The following IQANK1 variants were observed in gnomAD, a reference collection of about 807,000 sequenced individuals.
IQANK1 encodes the protein IQ motif and ankyrin repeat domain-containing protein 1.
IQANK1 carries 30 observed loss-of-function variants against 22.6 expected under a neutral mutation model. That is an observed-to-expected ratio of 1.33 (90% CI 0.99 to 1.80). The LOEUF is 1.80. Ranked by LOEUF, IQANK1 falls within the 40% of genes most tolerant of loss-of-function variation. The pLI is 0.00. For synonymous variants in IQANK1, 122 were observed against 99.6 expected (o/e 1.23, Z -1.34); for missense variants, 275 against 235.2 (o/e 1.17, Z -1.11).
intron 3 of IQANK1, among the ~76,000 whole-genome samples, chr8:143,769,994 T>TC (rs1554629577): frequency 6.6e-6 from 1 of 152,178 alleles, no homozygotes; most frequent in Non-Finnish European, 1.5e-5. Flanking sequence ...TCCCAGCTAC[T>TC]CGGAGGCTGA....
At chr8:143,765,298 A>G (rs1172876202) in intron 3 of IQANK1, among the ~76,000 whole-genome samples, 1 of 152,162 alleles carries the variant, frequency 6.6e-6, no homozygotes, top group East Asian at 1.9e-4. Context: ...CCGAGGTTGC[A>G]GTGAGCCAGG....
chr8:143,761,118 G>A (rs909067319), intron 3 of IQANK1, among the ~76,000 whole-genome samples: 1 of 152,212 alleles, frequency 6.6e-6, no homozygotes, highest in African/African-American at 2.4e-5. Flanking sequence ...AGACTCCTGG[G>A]GCGCAGATCG....
chr8:143,736,682 G>C (rs903007282), intron 2 of IQANK1, among the ~76,000 whole-genome samples: 4 of 152,228 alleles, frequency 2.6e-5, no homozygotes, highest in African/African-American at 9.6e-5. Context: ...CTCTGCCTGC[G>C]GCTTTGCTCC....
At chr8:143,754,179 A>G (rs1231420860) in intron 3 of IQANK1, among the ~76,000 whole-genome samples, 6 of 152,200 alleles carry the variant, frequency 3.9e-5, no homozygotes, top group Non-Finnish European at 8.8e-5. Flanking sequence ...CACTTCAGCC[A>G]GAGGGGGAGG....
intron 3 of IQANK1, among the ~76,000 whole-genome samples, chr8:143,756,899 G>A (rs1554628530): frequency 6.6e-6 from 1 of 151,806 alleles, no homozygotes; most frequent in Non-Finnish European, 1.5e-5. Context: ...GACTGCTTGA[G>A]TCTTGGGAGG....
chr8:143,751,626 G>GTGTGTGTA (rs1491334935), intron 3 of IQANK1, among the ~76,000 whole-genome samples: 5 of 63,122 alleles, frequency 7.9e-5, no homozygotes, highest in African/African-American at 3.9e-4. Flanking sequence ...AAAAAAAAAA[G>GTGTGTGTA]TGTGTGTGTG....
chr8:143,773,470 A>G (rs80315369), intron 7 of IQANK1, among the ~76,000 whole-genome samples: 3,734 of 152,094 alleles, frequency 0.025, 157 homozygotes, highest in African/African-American at 0.084. Context: ...CGCCTACCTT[A>G]GTTTCATTTA....
intron 7 of IQANK1, among the ~76,000 whole-genome samples, chr8:143,778,430 A>C (rs1819732540): frequency 6.6e-6 from 1 of 152,224 alleles, no homozygotes; most frequent in Admixed American, 6.5e-5. Context: ...AGTAATGACA[A>C]ATGTAGGAAT....
chr8:143,738,412 C>T (rs1195738883), intron 2 of IQANK1, among the ~76,000 whole-genome samples: 4 of 152,164 alleles, frequency 2.6e-5, no homozygotes, highest in Non-Finnish European at 4.4e-5. Flanking sequence ...CCCGCAGCAC[C>T]GCAGCTCGGG....
chr8:143,745,309 A>G (rs12677374), intron 3 of IQANK1: 31,315 of 152,182 alleles, frequency 0.21, 3,646 homozygotes, highest in East Asian at 0.51. Flanking sequence ...CCCACATCCC[A>G]GTTGATATCA....
At chr8:143,737,973 C>G (rs934793634) in intron 2 of IQANK1, among the ~76,000 whole-genome samples, 1 of 152,200 alleles carries the variant, frequency 6.6e-6, no homozygotes. Context: ...AGGACCAGCA[C>G]CAGCTCAGAC....
intron 2 of IQANK1, among the ~76,000 whole-genome samples, chr8:143,736,834 C>T (rs1818750826): frequency 1.3e-5 from 2 of 152,068 alleles, no homozygotes; most frequent in African/African-American, 4.8e-5. Flanking sequence ...TCCCTTGCTC[C>T]AGCTCCCATT....
intron 3 of IQANK1, among the ~76,000 whole-genome samples, chr8:143,763,185 T>A (rs1819427010): frequency 6.6e-6 from 1 of 152,040 alleles, no homozygotes; most frequent in South Asian, 2.1e-4. Flanking sequence ...CTGGCTAATT[T>A]TTGTATTTTT....
chr8:143,760,410 TC>T (rs1219772259), intron 3 of IQANK1: 1 of 151,780 alleles, frequency 6.6e-6, no homozygotes, highest in Non-Finnish European at 1.5e-5. Flanking sequence ...GCACGGTGGC[TC>T]ACGCCTGTAA....
At chr8:143,755,244 C>T (rs1231212048) in intron 3 of IQANK1, among the ~76,000 whole-genome samples, 2 of 152,220 alleles carry the variant, frequency 1.3e-5, no homozygotes, top group Admixed American at 6.5e-5. Context: ...GCCAGCTCCT[C>T]TTGAGCCAGG....
chr8:143,748,527 TATATATG>T (rs1400690097), intron 3 of IQANK1, among the ~76,000 whole-genome samples: 5 of 137,026 alleles, frequency 3.6e-5, no homozygotes, highest in African/African-American at 1.4e-4. Flanking sequence ...ATATAGATGA[TATATATG>T]ATATATAATA....
chr8:143,742,740 C>T, intron 3 of IQANK1: 1 of 455,970 alleles, frequency 2.2e-6, no homozygotes, highest in Middle Eastern at 3.3e-4. Flanking sequence ...CACCCTACCT[C>T]CTGCACACGG....
intron 3 of IQANK1, among the ~76,000 whole-genome samples, chr8:143,754,132 G>A (rs1819245221): frequency 6.6e-6 from 1 of 152,078 alleles, no homozygotes; most frequent in Non-Finnish European, 1.5e-5. Flanking sequence ...AAATCAAGAG[G>A]GAAAAAAAGG....
intron 2 of IQANK1, among the ~76,000 whole-genome samples, chr8:143,738,373 C>T (rs1818799838): frequency 6.6e-6 from 1 of 152,180 alleles, no homozygotes; most frequent in Non-Finnish European, 1.5e-5. Context: ...GGCTTGGCCC[C>T]CTGTTCCAGG....
Sources: gnomAD v4.1 joint callset for allele counts (sites outside exome capture counted in the v4.1 genomes callset) on GRCh38, gnomAD v4.1.1 for gene constraint, MANE v1.5 for transcripts, NCBI Gene and HGNC (gene_info 2026-07-23, HGNC 2026-07-21) for gene names.